The following ING4 variants were observed in gnomAD, a reference collection of about 807,000 sequenced individuals.
ING4 encodes the protein inhibitor of growth family member 4.
In ING4, 28 loss-of-function variants were observed where a neutral mutation model predicts 33.1. The ratio of observed to expected loss-of-function variants is 0.85; its 90% CI spans 0.63 to 1.16. The LOEUF (loss-of-function observed/expected upper bound fraction) is 1.16. Among genes scored for constraint, ING4 ranks in the 50% most tolerant of loss-of-function variants. The probability of loss-of-function intolerance (pLI) is 0.00; values close to 1 mark genes in which losing one functional copy is unlikely to be tolerated. For synonymous variants in ING4, 87 were observed against 104.4 expected (o/e 0.83, Z 1.02); for missense variants, 247 against 314.7 (o/e 0.78, Z 1.63).
chr12:6,657,329 C>G (rs7979340), intron 1 of ING4, among the ~76,000 whole-genome samples: 3,362 of 151,404 alleles, frequency 0.022, 147 homozygotes, highest in African/African-American at 0.077. Flanking sequence ...GGCGCCTGTA[C>G]TCCCAGCTAC....
intron 2 of ING4, 83 bp downstream of exon 2, chr12:6,656,644 C>G: frequency 1.3e-6 from 1 of 794,238 alleles, no homozygotes; most frequent in African/African-American, 1.8e-5. Context: ...CCAGATCATA[C>G]CAGATGATAC....
At chr12:6,655,507 T>G (rs1949326430) in intron 2 of ING4, 1 of 664,492 alleles carries the variant, frequency 1.5e-6, no homozygotes, top group Non-Finnish European at 2.0e-6. Context: ...AAGACACTGT[T>G]TATACTCCAC....
At chr12:6,661,959 CTACTT>C (rs1244152221) in intron 1 of ING4, among the ~76,000 whole-genome samples, 2 of 152,200 alleles carry the variant, frequency 1.3e-5, no homozygotes, top group African/African-American at 4.8e-5. Flanking sequence ...AAATCATACT[CTACTT>C]TAAAATGCAA....
At chr12:6,657,933 A>T (rs1949421016) in intron 1 of ING4, 1 of 150,818 alleles carries the variant, frequency 6.6e-6, no homozygotes. Context: ...TGTCTCCAAA[A>T]AAAAAAAAAA....
At chr12:6,661,105 G>T (rs1173297700) in intron 1 of ING4, among the ~76,000 whole-genome samples, 4 of 142,116 alleles carry the variant, frequency 2.8e-5, no homozygotes, top group African/African-American at 5.2e-5. Context: ...TTTTGTTTTT[G>T]TTTTTTTTTT....
chr12:6,655,552 A>G (rs1477802731), intron 2 of ING4: 21 of 1,053,240 alleles, frequency 2.0e-5, no homozygotes, highest in Non-Finnish European at 2.3e-5. Context: ...CTGAAAAAGC[A>G]TATAGTTCCA....
chr12:6,652,731 C>T lies in ING4; in HGVS notation c.428G>A (p.Arg143His), dbSNP rs149630308. 1.1e-4 allele frequency: 180 copies of T among 1,613,978 alleles called. No individual in the cohort carries two copies. The highest frequency in any genetic ancestry group is 1.4e-4 in the Non-Finnish European group (170 of 1,180,028). Reference sequence around the variant, plus strand: ...TTCATCCGAGTTTTTCCCTTTGGAACGAGCACGAGCAGCTTTCTTCTCCTT... The same window carrying T: ...TTCATCCGAGTTTTTCCCTTTGGAATGAGCACGAGCAGCTTTCTTCTCCTT... ...TQKEKKAARA[R>H]SKGKNSDEEA... Residue 143 changes from arginine to histidine, a missense_variant, in exon 5 of 8, where the codon CGT becomes CAT. By Grantham distance (29) the Arg-to-His change is conservative. This residue lies in a region of ING4 where 198 missense variants were observed against 221.2 expected (regional missense o/e 0.89). Transcript: ENST00000341550.
At chr12:6,663,001 T>C (rs1001932749) in intron 1 of ING4, 64 bp downstream of exon 1, 6 of 1,532,090 alleles carry the variant, frequency 3.9e-6, no homozygotes, top group African/African-American at 1.4e-5. Flanking sequence ...GGGCTACAGA[T>C]CCTCTCATCC....
intron 1 of ING4, among the ~76,000 whole-genome samples, chr12:6,658,797 C>T (rs1400709516): frequency 6.6e-6 from 1 of 152,330 alleles, no homozygotes; most frequent in Non-Finnish European, 1.5e-5. Context: ...ATGTTCTGCG[C>T]TTTCTGGCCC....
intron 1 of ING4, among the ~76,000 whole-genome samples, chr12:6,658,235 C>T (rs1949436382): frequency 6.6e-6 from 1 of 151,400 alleles, no homozygotes; most frequent in African/African-American, 2.4e-5. Context: ...GCTGGGATTA[C>T]TGGCATGAGC....
chr12:6,662,919 T>C (rs531274267), intron 1 of ING4, 146 bp downstream of exon 1: 18 of 875,754 alleles, frequency 2.1e-5, no homozygotes, highest in Middle Eastern at 2.3e-4. Context: ...GCCCCCTCTT[T>C]CTCCGCACCC....
rs1020903117 is a variant in ING4, at chr12:6,650,916, C to T, written c.*279G>A. On this transcript the variant is annotated 3_prime_UTR_variant, in exon 8 of 8. Coordinates refer to ENST00000341550, the MANE Select transcript of ING4 (RefSeq NM_016162.4). ...GGACCCTCCCTCTGAAATACAGCAC[C>T]GACCTCAGCATGGAGGCAAAAGGAC... 1.5e-5 allele frequency: 8 copies of T among 530,606 alleles called. 1 individual carries two copies. The South Asian group carries it at 1.6e-4, about 10-fold the overall frequency. The allele number at this position is 530,606 out of a possible 1,614,324, so 32.9% of individuals were successfully genotyped here.
chr12:6,654,915 T>C (rs1241279107), intron 2 of ING4, among the ~76,000 whole-genome samples: 1 of 151,970 alleles, frequency 6.6e-6, no homozygotes, highest in African/African-American at 2.4e-5. Context: ...AGTAGAGATG[T>C]GGTTTCACCA....
At chr12:6,656,166 T>C (rs1359313666) in intron 2 of ING4, among the ~76,000 whole-genome samples, 1 of 147,384 alleles carries the variant, frequency 6.8e-6, no homozygotes, top group Non-Finnish European at 1.5e-5. Flanking sequence ...CTTTCTTTAA[T>C]TCTTCTTTTT....
intron 2 of ING4, chr12:6,655,850 A>T (rs1176118659): frequency 2.2e-6 from 1 of 456,630 alleles, no homozygotes; most frequent in East Asian, 6.9e-5. Context: ...GAAGAAACCA[A>T]GTGAATGCCC....
chr12:6,660,135 C>T (rs1949503213), intron 1 of ING4, among the ~76,000 whole-genome samples: 1 of 152,102 alleles, frequency 6.6e-6, no homozygotes, highest in Admixed American at 6.6e-5. Context: ...CAAGAGAAAT[C>T]TCTTGCCAAG....
chr12:6,657,312 G>T (rs533565597), intron 1 of ING4, among the ~76,000 whole-genome samples: 1 of 152,128 alleles, frequency 6.6e-6, no homozygotes, highest in Admixed American at 6.5e-5. Flanking sequence ...AGCCAGGTGC[G>T]ATGGCGGGCG....
At chr12:6,661,575 C>T (rs1490488429) in intron 1 of ING4, among the ~76,000 whole-genome samples, 1 of 151,666 alleles carries the variant, frequency 6.6e-6, no homozygotes, top group African/African-American at 2.4e-5. Context: ...TCACATGCCA[C>T]CATGCCCAGC....
At chr12:6,659,068 C>T (rs952163163) in intron 1 of ING4, among the ~76,000 whole-genome samples, 1 of 152,198 alleles carries the variant, frequency 6.6e-6, no homozygotes, top group Non-Finnish European at 1.5e-5. Context: ...TAACTGCCCT[C>T]GATCTATGTC....
Sources: allele counts gnomAD v4.1 joint callset (sites outside exome capture counted in the v4.1 genomes callset), GRCh38; gene constraint gnomAD v4.1.1; regional missense constraint gnomAD v4.1.1; transcripts MANE v1.5; gene names NCBI Gene and HGNC (gene_info 2026-07-23, HGNC 2026-07-21).